The following CCNY variants were observed in gnomAD, a reference collection of about 807,000 sequenced individuals.
CCNY encodes the protein cyclin-Y.
CCNY carries 19 observed loss-of-function variants against 42.8 expected under a neutral mutation model. The observed-to-expected ratio is 0.44, with a 90% CI of 0.31 to 0.65. CCNY has a LOEUF of 0.65. Ranked by LOEUF, CCNY falls within the 30% of genes least tolerant of loss-of-function variation. CCNY has a pLI of 0.07. For missense variants in CCNY, 370 were observed against 437.3 expected (o/e 0.85, Z 1.37); for synonymous variants, 165 against 162.7 (o/e 1.01, Z -0.11).
chr10:35,492,434 G>A (rs1351284160), intron 2 of CCNY, among the ~76,000 whole-genome samples: 2 of 152,198 alleles, frequency 1.3e-5, no homozygotes. Flanking sequence ...CACAGTCAGT[G>A]ACTTGCCAAA....
At chr10:35,330,535 C>T (rs780260356) in intron 3 of CCNY, among the ~76,000 whole-genome samples, 1 of 152,132 alleles carries the variant, frequency 6.6e-6, no homozygotes, top group Non-Finnish European at 1.5e-5. Context: ...AATACCAATT[C>T]CTGGCTAGAT....
chr10:35,432,200 C>T (rs1363475316), intron 1 of CCNY, among the ~76,000 whole-genome samples: 3 of 152,034 alleles, frequency 2.0e-5, no homozygotes, highest in Non-Finnish European at 2.9e-5. Context: ...ATCTTGGCTC[C>T]GTGACTTGCT....
At chr10:35,559,071 G>C (rs1841414891) in intron 8 of CCNY, among the ~76,000 whole-genome samples, 1 of 152,156 alleles carries the variant, frequency 6.6e-6, no homozygotes, top group African/African-American at 2.4e-5. Flanking sequence ...AGGTGATTCT[G>C]GTGAAGACTC....
chr10:35,370,754 C>CGAAA lies in CCNY; in HGVS notation c.154+33548_154+33549insAAAG, dbSNP rs1554781134. 2.0e-4 allele frequency among the ~76,000 whole-genome samples: 31 copies of CGAAA among 151,298 alleles called. No individual in the cohort carries two copies. In the East Asian group the frequency reaches 2.9e-3, roughly 14 times the overall value. On this transcript the variant is annotated intron_variant, in intron 1 of 9. Transcript: ENST00000374704. ...TTTTTGAGATGGAGTCTCGCACTTT[C>CGAAA]GCCCAGGCTGGAGTGCAGTGGGGCC...
chr10:35,388,859 G>A (rs1470426268), intron 1 of CCNY, among the ~76,000 whole-genome samples: 1 of 152,170 alleles, frequency 6.6e-6, no homozygotes, highest in Non-Finnish European at 1.5e-5. Flanking sequence ...GTGTCTAGAG[G>A]TTGCCTGCGT....
chr10:35,511,469 A>G (rs1046939801), intron 3 of CCNY, among the ~76,000 whole-genome samples: 4 of 152,134 alleles, frequency 2.6e-5, no homozygotes, highest in African/African-American at 9.7e-5. Context: ...GGATGAGTGG[A>G]GTCAGGGAGG....
At chr10:35,494,791 A>G (rs756878965) in intron 2 of CCNY, among the ~76,000 whole-genome samples, 26 of 152,246 alleles carry the variant, frequency 1.7e-4, no homozygotes, top group Non-Finnish European at 3.2e-4. Flanking sequence ...ACATACTTAT[A>G]TACAAATACA....
chr10:35,305,244 G>A (rs1029591487), intron 3 of CCNY, among the ~76,000 whole-genome samples: 2 of 152,008 alleles, frequency 1.3e-5, no homozygotes, highest in Non-Finnish European at 2.9e-5. Context: ...CAAAGCTTTC[G>A]GTTTATTGTA....
In CCNY at chr10:35,569,205, A is replaced by C. The variant is rs753441552; in HGVS notation, c.*35A>C. ...CCCGCCGGAGGCCACACCATCCCTT[A>C]GTTTCTCCTTTAGTTTGAGAAAAGA... On this transcript the variant is annotated 3_prime_UTR_variant, in exon 10 of 10. Coordinates refer to ENST00000374704, the MANE Select transcript of CCNY (RefSeq NM_145012.6). The C allele has an allele frequency of 6.5e-6, 8 of 1,222,776 alleles. No individual in the cohort carries two copies. The highest frequency in any genetic ancestry group is 9.6e-6 in the Non-Finnish European group (8 of 829,078). 75.7% of individuals were successfully genotyped at this position (1,222,776 alleles called of 1,614,324 possible).
chr10:35,492,994 G>T (rs1044342094), intron 2 of CCNY, among the ~76,000 whole-genome samples: 13 of 150,436 alleles, frequency 8.6e-5, no homozygotes, highest in Non-Finnish European at 1.5e-4. Flanking sequence ...TGAGGTGCAT[G>T]GGGGGGGGAG....
intron 3 of CCNY, among the ~76,000 whole-genome samples, chr10:35,257,209 T>C (rs1259007506): frequency 2.1e-5 from 2 of 93,502 alleles, no homozygotes; most frequent in Admixed American, 1.1e-4. Flanking sequence ...TTTTCTTTTC[T>C]TTTCTCCTCC....
At chr10:35,431,743 G>A (rs552357821) in intron 1 of CCNY, among the ~76,000 whole-genome samples, 2 of 152,132 alleles carry the variant, frequency 1.3e-5, no homozygotes, top group African/African-American at 4.8e-5. Context: ...CGGGTCCCAG[G>A]CTCAGGCTTG....
At chr10:35,424,089 C>A (rs544828449) in intron 1 of CCNY, among the ~76,000 whole-genome samples, 27 of 152,214 alleles carry the variant, frequency 1.8e-4, no homozygotes, top group Middle Eastern at 3.4e-3. Flanking sequence ...CTCGGAGCCT[C>A]GTTTCTCATC....
chr10:35,249,193 A>C (rs12246600), intron 2 of CCNY, among the ~76,000 whole-genome samples: 54,782 of 151,948 alleles, frequency 0.36, 10,269 homozygotes, highest in African/African-American at 0.46. Context: ...CCACCTGTCT[A>C]GGCCTCCCAA....
chr10:35,346,152 A>G (rs1836297392), intron 1 of CCNY, among the ~76,000 whole-genome samples: 1 of 152,182 alleles, frequency 6.6e-6, no homozygotes, highest in African/African-American at 2.4e-5. Flanking sequence ...TTGGTTACCT[A>G]AAATAATAAG....
intron 1 of CCNY, among the ~76,000 whole-genome samples, chr10:35,395,414 G>A (rs374851867): frequency 2.8e-4 from 43 of 152,300 alleles, no homozygotes; most frequent in African/African-American, 9.4e-4. Context: ...GGAGCAGTGC[G>A]AAGGTCATTG....
At chr10:35,462,420 C>T (rs1403066486) in intron 1 of CCNY, among the ~76,000 whole-genome samples, 3 of 152,196 alleles carry the variant, frequency 2.0e-5, no homozygotes, top group Non-Finnish European at 2.9e-5. Flanking sequence ...TCATCTCACC[C>T]TTCTGGTATT....
Position 35,563,875 on chromosome 10 carries a change from AT to A in CCNY, c.747-2130del, listed in dbSNP as rs527639128. 5.9e-3 allele frequency among the ~76,000 whole-genome samples: 699 copies of A among 118,446 alleles called. 3 individuals are homozygous for A. Among genetic ancestry groups the A allele is most frequent in the African/African-American group, 0.01 (321 of 31,412 alleles). 77.7% of individuals were successfully genotyped at this position (118,446 alleles called of 152,430 possible). A position where few individuals can be genotyped will look rare whatever the true frequency, so the allele number is the denominator to read the frequency against. On this transcript the variant is annotated intron_variant, in intron 8 of 9. Coordinates refer to ENST00000374704, the MANE Select transcript of CCNY (RefSeq NM_145012.6). ...AGGTGCCCACCACCATGCCTGACTA[AT>A]TTTTTTTTTTTTTTTTTGAGACAGA...
At chr10:35,468,660 G>T (rs1839321389) in intron 1 of CCNY, among the ~76,000 whole-genome samples, 1 of 152,054 alleles carries the variant, frequency 6.6e-6, no homozygotes, top group Non-Finnish European at 1.5e-5. Context: ...CCTGTGTGTT[G>T]CCATTTTAGA....
Sources: gnomAD v4.1 joint callset for allele counts (sites outside exome capture counted in the v4.1 genomes callset) on GRCh38, gnomAD v4.1.1 for gene constraint, MANE v1.5 for transcripts, NCBI Gene and HGNC (gene_info 2026-07-23, HGNC 2026-07-21) for gene names.